The following ABLIM1 variants were observed in gnomAD, a reference collection of about 807,000 sequenced individuals.
The protein encoded by ABLIM1 is actin binding LIM protein 1, also known as actin-binding LIM protein 1.
A neutral mutation model predicts 107.0 loss-of-function variants in ABLIM1; 40 were observed. That is an observed-to-expected ratio of 0.37 (90% CI 0.29 to 0.49). ABLIM1 has a LOEUF of 0.49. ABLIM1 is among the 20% of genes least tolerant of loss of function. The probability of loss-of-function intolerance (pLI) is 0.97; values close to 1 mark genes in which losing one functional copy is unlikely to be tolerated. For missense variants in ABLIM1, 857 were observed against 1,008.5 expected, an observed-to-expected ratio of 0.85 and a Z score of 2.04; for synonymous variants, 357 against 357.3, an observed-to-expected ratio of 1.00 and a Z score of 0.01.
intron 1 of ABLIM1, among the ~76,000 whole-genome samples, chr10:114,712,953 G>C (rs549163251): frequency 2.5e-4 from 38 of 152,298 alleles, no homozygotes; most frequent in African/African-American, 8.4e-4. Flanking sequence ...AGGAGGACAA[G>C]ATGGGAGGAT....
chr10:114,570,297 A>G (rs2071452175), intron 4 of ABLIM1, among the ~76,000 whole-genome samples: 1 of 152,176 alleles, frequency 6.6e-6, no homozygotes, highest in South Asian at 2.1e-4. Context: ...TTTCCAGAAG[A>G]AATGGTGCAA....
intron 1 of ABLIM1, among the ~76,000 whole-genome samples, chr10:114,767,874 G>A (rs1183135007): frequency 6.6e-6 from 1 of 151,920 alleles, no homozygotes; most frequent in Non-Finnish European, 1.5e-5. Flanking sequence ...CCCACATCCG[G>A]GGATCAAGGT....
At chr10:114,698,509 A>C (rs900422766) in intron 1 of ABLIM1, among the ~76,000 whole-genome samples, 1 of 152,048 alleles carries the variant, frequency 6.6e-6, no homozygotes, top group African/African-American at 2.4e-5. Flanking sequence ...AGAGAAACTG[A>C]AAAAAACAGA....
At chr10:114,463,310 A>C in intron 12 of ABLIM1, 1,334 of 735,194 alleles carry the variant, frequency 1.8e-3, no homozygotes, top group Non-Finnish European at 2.3e-3. Context: ...AGGAAGGAGA[A>C]AGGGTTAAGA....
At chr10:114,631,321 T>C (rs1395198103) in intron 1 of ABLIM1, among the ~76,000 whole-genome samples, 2 of 152,226 alleles carry the variant, frequency 1.3e-5, no homozygotes, top group Non-Finnish European at 2.9e-5. Flanking sequence ...CCTTGTGATA[T>C]GATGTGGTTT....
At chr10:114,597,657 G>C (rs753913555) in intron 2 of ABLIM1, among the ~76,000 whole-genome samples, 4 of 152,158 alleles carry the variant, frequency 2.6e-5, no homozygotes, top group Non-Finnish European at 5.9e-5. Flanking sequence ...GAAATGTCTC[G>C]TGTCAGAGAT....
intron 2 of ABLIM1, among the ~76,000 whole-genome samples, chr10:114,598,863 T>G (rs1208598330): frequency 2.0e-5 from 3 of 152,130 alleles, no homozygotes; most frequent in Non-Finnish European, 2.9e-5. Flanking sequence ...TTTTTTAAGT[T>G]TTGGGGTGCA....
intron 4 of ABLIM1, among the ~76,000 whole-genome samples, chr10:114,567,968 A>C (rs999216697): frequency 2.0e-5 from 3 of 151,948 alleles, no homozygotes; most frequent in Admixed American, 6.6e-5. Context: ...AGGCGGGTGG[A>C]TCACGAGGTC....
At chr10:114,688,086 TCC>T (rs1434550411), upstream of ABLIM1, among the ~76,000 whole-genome samples, 1 of 152,118 alleles carries the variant, frequency 6.6e-6, no homozygotes. Context: ...GTGACTTTTG[TCC>T]CAACCTAATA....
At position 114,492,936 on chromosome 10, in the gene ABLIM1, C is replaced by G. The variant is rs539011510; in HGVS notation, c.895-1058G>C. Among the ~76,000 whole-genome samples, 8 of 152,128 alleles carry G rather than the reference C, an allele frequency of 5.3e-5. No homozygotes were observed. The Middle Eastern group carries it at 0.01, about 194-fold the overall frequency. On this transcript the variant is annotated intron_variant, in intron 6 of 22. Coordinates refer to ENST00000533213, the MANE Select transcript of ABLIM1 (RefSeq NM_002313.7). ...GTGGTGGTTAGCCCTTTAAGATAAT[C>G]AGGTGGAAAAAAAAATTGAAGTTAT...
At chr10:114,727,813 G>A (rs1187552510) in intron 1 of ABLIM1, among the ~76,000 whole-genome samples, 1 of 152,068 alleles carries the variant, frequency 6.6e-6, no homozygotes, top group Non-Finnish European at 1.5e-5. Context: ...AAGTTAGCCA[G>A]GCATGGTGGC....
chr10:114,560,034 C>A (rs2138253098), intron 4 of ABLIM1, among the ~76,000 whole-genome samples: 1 of 152,330 alleles, frequency 6.6e-6, no homozygotes, highest in African/African-American at 2.4e-5. Context: ...CCTGCCATGC[C>A]ATAAACATTA....
intron 1 of ABLIM1, among the ~76,000 whole-genome samples, chr10:114,749,059 T>C (rs1326503602): frequency 6.6e-6 from 1 of 152,184 alleles, no homozygotes; most frequent in East Asian, 1.9e-4. Context: ...CGTGCTAGAA[T>C]TAAGAATGCC....
At chr10:114,716,081 T>C (rs1426169274) in intron 1 of ABLIM1, among the ~76,000 whole-genome samples, 1 of 152,106 alleles carries the variant, frequency 6.6e-6, no homozygotes, top group East Asian at 1.9e-4. Flanking sequence ...TTCCACAAAA[T>C]GGTATTGTGA....
At chr10:114,563,822 G>A (rs1450203229) in intron 4 of ABLIM1, among the ~76,000 whole-genome samples, 2 of 142,846 alleles carry the variant, frequency 1.4e-5, no homozygotes, top group Non-Finnish European at 3.0e-5. Flanking sequence ...CTCCAGCCTG[G>A]GTGACAAAGA....
At chr10:114,601,287 G>A (rs1372730818) in intron 2 of ABLIM1, among the ~76,000 whole-genome samples, 2 of 148,084 alleles carry the variant, frequency 1.4e-5, no homozygotes, top group African/African-American at 5.0e-5. Flanking sequence ...TTTTTAAGAC[G>A]GAGTCTCACT....
At chr10:114,775,078 A>G in the ABLIM1 span, among the ~76,000 whole-genome samples, 4 of 152,146 alleles carry the variant, frequency 2.6e-5, no homozygotes, top group Admixed American at 1.3e-4. Context: ...AGGAAGGTGA[A>G]GAGGAAGCAA....
At chr10:114,693,105 T>A (rs1341107387) in intron 1 of ABLIM1, among the ~76,000 whole-genome samples, 1 of 152,162 alleles carries the variant, frequency 6.6e-6, no homozygotes. Context: ...AAAGGGAGGC[T>A]TCCTATTATC....
At chr10:114,472,371 T>A (rs1173563490) in intron 10 of ABLIM1, among the ~76,000 whole-genome samples, 1 of 151,922 alleles carries the variant, frequency 6.6e-6, no homozygotes, top group African/African-American at 2.4e-5. Context: ...GGATTACAGG[T>A]ATGAGCACTG....
Sources: allele counts gnomAD v4.1 joint callset (sites outside exome capture counted in the v4.1 genomes callset), GRCh38; gene constraint gnomAD v4.1.1; transcripts MANE v1.5; gene names NCBI Gene and HGNC (gene_info 2026-07-23, HGNC 2026-07-21).